The following PLCG2 variants were observed in gnomAD, a reference collection of about 807,000 sequenced individuals.
PLCG2 encodes the protein phospholipase C gamma 2.
In PLCG2, 69 loss-of-function variants were observed where a neutral mutation model predicts 175.6. The ratio of observed to expected loss-of-function variants is 0.39; its 90% CI spans 0.32 to 0.48. The LOEUF (loss-of-function observed/expected upper bound fraction) is 0.48. Ranked by LOEUF, PLCG2 falls within the 20% of genes least tolerant of loss-of-function variation. The probability of loss-of-function intolerance (pLI) is 0.91; values close to 1 mark genes in which losing one functional copy is unlikely to be tolerated. For missense variants in PLCG2, 1,798 were observed against 1,650.9 expected (o/e 1.09, Z -1.54); for synonymous variants, 827 against 624.0 (o/e 1.33, Z -4.85).
chr16:81,781,295 C>T (rs773872744), intron 1 of PLCG2, among the ~76,000 whole-genome samples: 1 of 152,160 alleles, frequency 6.6e-6, no homozygotes, highest in Admixed American at 6.5e-5. Flanking sequence ...CAAATCTTTC[C>T]AGATCAAATT....
At chr16:81,949,620 A>T (rs1911287595) in intron 31 of PLCG2, among the ~76,000 whole-genome samples, 1 of 152,220 alleles carries the variant, frequency 6.6e-6, no homozygotes, top group Non-Finnish European at 1.5e-5. Context: ...TATTTTAGTC[A>T]GAAAAGAAAA....
chr16:81,866,582 TCCC>T (rs1907248635), intron 5 of PLCG2, among the ~76,000 whole-genome samples: 1 of 86,976 alleles, frequency 1.1e-5, no homozygotes, highest in Non-Finnish European at 2.7e-5. Context: ...TCTCCCTTGC[TCCC>T]AAGATGAGCT....
At chr16:81,954,670 C>T (rs1911496264) in intron 31 of PLCG2, among the ~76,000 whole-genome samples, 1 of 152,160 alleles carries the variant, frequency 6.6e-6, no homozygotes, top group Non-Finnish European at 1.5e-5. Flanking sequence ...GACATTACTT[C>T]ATTCATTTTT....
intron 2 of PLCG2, among the ~76,000 whole-genome samples, chr16:81,799,556 C>T (rs1318053925): frequency 6.6e-6 from 1 of 151,708 alleles, no homozygotes; most frequent in Non-Finnish European, 1.5e-5. Flanking sequence ...TCCCAAAGTG[C>T]TGGGATTACA....
chr16:81,958,628 T>G lies in PLCG2; in HGVS notation c.*630T>G, dbSNP rs1394898664. On this transcript the variant is annotated 3_prime_UTR_variant, in exon 33 of 33. Transcript: ENST00000564138. ...TAATGGTGACAGCTTGTTTTGTGACTAGAGTTACTGGGATGGAGGGTAGGA... is the reference window on the plus strand; with the variant it reads ...TAATGGTGACAGCTTGTTTTGTGACGAGAGTTACTGGGATGGAGGGTAGGA... The G allele has an allele frequency of 8.9e-6, 2 of 225,218 alleles. No homozygotes were observed. The allele number at this position is 225,218 out of a possible 1,614,324, so 14.0% of individuals were successfully genotyped here. A position where few individuals can be genotyped will look rare whatever the true frequency, so the allele number is the denominator to read the frequency against.
chr16:81,844,705 A>T (rs1416295547), intron 2 of PLCG2, among the ~76,000 whole-genome samples: 1 of 152,208 alleles, frequency 6.6e-6, no homozygotes, highest in East Asian at 1.9e-4. Context: ...CATTTTGCAT[A>T]AAAAAAGAGT....
Position 81,870,508 on chromosome 16 carries a change from C to T in PLCG2, c.565-344C>T, listed in dbSNP as rs75450273. On this transcript the variant is annotated intron_variant, in intron 6 of 32. Coordinates refer to ENST00000564138, the MANE Select transcript of PLCG2 (RefSeq NM_002661.5). ...GTTACGCATCATGTCTCTTGGAAAC[C>T]TGGCTGAGACTCTTCCCTTTTGGGG... Among the ~76,000 whole-genome samples, 606 of 152,304 alleles carry T rather than the reference C, an allele frequency of 4.0e-3. 3 individuals carry two copies. The highest frequency in any genetic ancestry group is 0.014 in the African/African-American group (584 of 41,562).
chr16:81,895,591 T>G, intron 12 of PLCG2: 2 of 482,012 alleles, frequency 4.1e-6, no homozygotes, highest in South Asian at 3.4e-5. Context: ...AAAAGCAGCA[T>G]TGAAACTAGC....
intron 1 of PLCG2, among the ~76,000 whole-genome samples, chr16:81,751,501 C>T (rs1909812007): frequency 6.6e-6 from 1 of 152,072 alleles, no homozygotes; most frequent in African/African-American, 2.4e-5. Context: ...GTGGTCAAAG[C>T]ATACAAAATC....
intron 24 of PLCG2, 148 bp downstream of exon 24, chr16:81,928,772 G>T: frequency 1.5e-6 from 1 of 648,408 alleles, no homozygotes; most frequent in East Asian, 2.6e-5. Context: ...ATTTAGGTCA[G>T]GCTGGTCAGT....
At chr16:81,931,926 T>C (rs1781139115) in intron 25 of PLCG2, among the ~76,000 whole-genome samples, 2 of 152,220 alleles carry the variant, frequency 1.3e-5, no homozygotes, top group African/African-American at 4.8e-5. Flanking sequence ...GATGATGTCT[T>C]TGCGGCCCTA....
Position 81,851,759 on chromosome 16 carries a change from C to T in PLCG2, c.194-2685C>T, listed in dbSNP as rs568165173. On this transcript the variant is annotated intron_variant, in intron 2 of 32. Transcript: ENST00000564138. ...AATTCCTGACCTCAAGTGATCTGCCCGCCTTGGCCTCCCAAAGTGCTGGGA... is the reference window on the plus strand; with the variant it reads ...AATTCCTGACCTCAAGTGATCTGCCTGCCTTGGCCTCCCAAAGTGCTGGGA... 3.7e-4 allele frequency among the ~76,000 whole-genome samples: 57 copies of T among 152,320 alleles called. 1 individual carries two copies. The highest frequency in any genetic ancestry group is 7.4e-4 in the Non-Finnish European group (50 of 68,026).
chr16:81,757,810 A>G (rs1909960057), intron 2 of PLCG2, among the ~76,000 whole-genome samples: 2 of 151,338 alleles, frequency 1.3e-5, no homozygotes, highest in African/African-American at 4.9e-5. Context: ...TTAGGCCGTC[A>G]CTCCCTATAC....
At position 81,830,567 on chromosome 16, in the gene PLCG2, CAA is replaced by C. The variant is rs1159736357; in HGVS notation, c.194-23875_194-23874del. Reference sequence around the variant, plus strand: ...AAGTGATCCATAGGCCTCAGCCTCCCAAAGTGCTGGGATTACAGGCATAAGCC... The same window carrying C: ...AAGTGATCCATAGGCCTCAGCCTCCCAGTGCTGGGATTACAGGCATAAGCC... On this transcript the variant is annotated intron_variant, in intron 2 of 32. Coordinates refer to ENST00000564138, the MANE Select transcript of PLCG2 (RefSeq NM_002661.5). Among the ~76,000 whole-genome samples, 7 of 152,126 alleles carry C rather than the reference CAA, an allele frequency of 4.6e-5. No homozygotes were observed. In the East Asian group the frequency reaches 1.4e-3, roughly 29 times the overall value.
chr16:81,927,018 GAGC>G, intron 22 of PLCG2, 61 bp from the exon 23 acceptor site: 1 of 1,018,018 alleles, frequency 9.8e-7, no homozygotes, highest in Non-Finnish European at 1.6e-6. Context: ...GGGTGCAGAT[GAGC>G]AGTAGTGGGT....
Position 81,908,706 on chromosome 16 carries a change from G to T in PLCG2, c.1733+115G>T, listed in dbSNP as rs73596870. 8.7e-3 allele frequency: 7,623 copies of T among 874,524 alleles called. 411 individuals are homozygous for T. In the African/African-American group the frequency reaches 0.12, roughly 13 times the overall value. The allele number at this position is 874,524 out of a possible 1,614,324, so 54.2% of individuals were successfully genotyped here. Reference sequence around the variant, plus strand: ...TGGGCAGGCTGGGACCTGAATCCCAGGCTTCATTTGTCTAGCTCTTCTAGG... The same window carrying T: ...TGGGCAGGCTGGGACCTGAATCCCATGCTTCATTTGTCTAGCTCTTCTAGG... On this transcript the variant is annotated intron_variant, in intron 17 of 32. Coordinates refer to ENST00000564138, the MANE Select transcript of PLCG2 (RefSeq NM_002661.5).
intron 1 of PLCG2, chr16:81,740,479 C>G (rs1909565624): frequency 6.6e-6 from 1 of 152,100 alleles, no homozygotes; most frequent in African/African-American, 2.4e-5. Flanking sequence ...CAGTGGCTCA[C>G]ACCTGTAATC....
chr16:81,943,321 C>T (rs1019946772), intron 30 of PLCG2, among the ~76,000 whole-genome samples: 1 of 152,080 alleles, frequency 6.6e-6, no homozygotes, highest in African/African-American at 2.4e-5. Context: ...AATTTACAAT[C>T]CTGGTAGAAG....
At chr16:81,869,129 C>T (rs1907388215) in intron 5 of PLCG2, 85 bp from the exon 6 acceptor site, 2 of 949,984 alleles carry the variant, frequency 2.1e-6, no homozygotes, top group East Asian at 2.4e-5. Flanking sequence ...AGAGGGCTGC[C>T]TGAGGTGGGA....
Sources: gnomAD v4.1 joint callset for allele counts (sites outside exome capture counted in the v4.1 genomes callset) on GRCh38, gnomAD v4.1.1 for gene constraint, MANE v1.5 for transcripts, NCBI Gene and HGNC (gene_info 2026-07-23, HGNC 2026-07-21) for gene names.